CDH8: variants seen among roughly 807,000 people sequenced by gnomAD.
CDH8 encodes cadherin 8, also known as cadherin-8.
Under a neutral mutation model 68.1 loss-of-function variants are expected in CDH8, and 17 were observed. The ratio of observed to expected loss-of-function variants is 0.25; its 90% CI spans 0.17 to 0.37. The LOEUF (loss-of-function observed/expected upper bound fraction) is 0.37, where lower values mean the gene tolerates loss of function less well. Ranked by LOEUF, CDH8 falls within the 10% of genes least tolerant of loss-of-function variation. The probability of loss-of-function intolerance (pLI) is 1.00; values close to 1 mark genes in which losing one functional copy is unlikely to be tolerated. For missense variants in CDH8, 763 were observed against 999.3 expected (o/e 0.76, Z 3.19); for synonymous variants, 372 against 365.1 (o/e 1.02, Z -0.21).
intron 2 of CDH8, among the ~76,000 whole-genome samples, chr16:62,008,191 C>A (rs1019903757): frequency 1.3e-5 from 2 of 151,754 alleles, no homozygotes; most frequent in African/African-American, 4.8e-5. Context: ...CCTGCCTCAG[C>A]CTCCCAAAGC....
At chr16:62,025,990 G>A (rs1372434447) in intron 1 of CDH8, among the ~76,000 whole-genome samples, 1 of 152,098 alleles carries the variant, frequency 6.6e-6, no homozygotes, top group Non-Finnish European at 1.5e-5. Flanking sequence ...ACCAGACACT[G>A]TTAAAAGCCT....
intron 7 of CDH8, among the ~76,000 whole-genome samples, chr16:61,789,793 G>T (rs1052855211): frequency 2.6e-5 from 4 of 152,040 alleles, no homozygotes; most frequent in African/African-American, 9.7e-5. Context: ...TTATTGGACA[G>T]CTTATGATAA....
chr16:61,819,528 A>G (rs552489162), intron 6 of CDH8, among the ~76,000 whole-genome samples: 1 of 152,232 alleles, frequency 6.6e-6, no homozygotes, highest in Non-Finnish European at 1.5e-5. Context: ...TGTAGTTCTT[A>G]ATGCTAAACT....
At chr16:61,685,295 A>C (rs767493496) in intron 10 of CDH8, among the ~76,000 whole-genome samples, 1 of 151,942 alleles carries the variant, frequency 6.6e-6, no homozygotes, top group Non-Finnish European at 1.5e-5. Flanking sequence ...TGGCAAATTA[A>C]AGCAAGTTTG....
At chr16:61,776,879 A>T (rs2142991363) in intron 8 of CDH8, among the ~76,000 whole-genome samples, 1 of 152,232 alleles carries the variant, frequency 6.6e-6, no homozygotes, top group Non-Finnish European at 1.5e-5. Flanking sequence ...ATGATGAAAT[A>T]ATCTGTACAC....
intron 10 of CDH8, among the ~76,000 whole-genome samples, chr16:61,657,095 G>C (rs1262242676): frequency 6.7e-6 from 1 of 150,022 alleles, no homozygotes; most frequent in Non-Finnish European, 1.5e-5. Context: ...ATAGACCCCC[G>C]AACACAGGGC....
At chr16:61,926,105 A>G (rs75216068) in intron 2 of CDH8, among the ~76,000 whole-genome samples, 6,888 of 151,858 alleles carry the variant, frequency 0.045, 519 homozygotes, top group African/African-American at 0.16. Context: ...AGCCACACAA[A>G]CTAATAAGAA....
At chr16:61,664,216 T>C (rs1963623878) in intron 10 of CDH8, among the ~76,000 whole-genome samples, 1 of 151,998 alleles carries the variant, frequency 6.6e-6, no homozygotes. Context: ...TTCTGTATAA[T>C]TTCTTTCATA....
At chr16:61,896,471 G>A (rs72798776) in intron 3 of CDH8, among the ~76,000 whole-genome samples, 9,276 of 152,242 alleles carry the variant, frequency 0.061, 359 homozygotes, top group South Asian at 0.1. Flanking sequence ...ACAGGTGCAC[G>A]TGCTGGCATT....
At chr16:62,033,286 T>C (rs1902371775) in intron 1 of CDH8, among the ~76,000 whole-genome samples, 1 of 152,244 alleles carries the variant, frequency 6.6e-6, no homozygotes, top group African/African-American at 2.4e-5. Flanking sequence ...TGACCACAGT[T>C]CTACATAATA....
At chr16:61,672,956 G>C (rs542937099) in intron 10 of CDH8, among the ~76,000 whole-genome samples, 1 of 152,028 alleles carries the variant, frequency 6.6e-6, no homozygotes, top group South Asian at 2.1e-4. Flanking sequence ...TAATAGACAA[G>C]CTCATGTGAA....
chr16:61,978,351 C>T (rs1965475794), intron 2 of CDH8, among the ~76,000 whole-genome samples: 1 of 152,118 alleles, frequency 6.6e-6, no homozygotes, highest in South Asian at 2.1e-4. Flanking sequence ...GGAAGTTACC[C>T]ATTGATGGTG....
At chr16:61,761,874 C>T (rs1409590796) in intron 8 of CDH8, among the ~76,000 whole-genome samples, 1 of 152,050 alleles carries the variant, frequency 6.6e-6, no homozygotes, top group Non-Finnish European at 1.5e-5. Flanking sequence ...GTGGCACATG[C>T]TTGTAGTCTC....
chr16:61,715,433 A>G, intron 9 of CDH8, among the ~76,000 whole-genome samples: 1 of 151,602 alleles, frequency 6.6e-6, no homozygotes, highest in East Asian at 1.9e-4. Flanking sequence ...TGCCAGAAAT[A>G]CAAATGCAAA....
intron 2 of CDH8, among the ~76,000 whole-genome samples, chr16:61,926,979 T>G (rs1470885768): frequency 6.6e-6 from 1 of 152,134 alleles, no homozygotes. Flanking sequence ...ATTGCATGAG[T>G]CATCGCCTGT....
chr16:61,733,171 T>G (rs1051078867), intron 8 of CDH8, among the ~76,000 whole-genome samples: 3 of 152,006 alleles, frequency 2.0e-5, no homozygotes, highest in Non-Finnish European at 4.4e-5. Context: ...AGCATTTTTA[T>G]ATCTCACTTG....
chr16:61,905,425 T>C (rs1947488938), intron 2 of CDH8, among the ~76,000 whole-genome samples: 1 of 151,950 alleles, frequency 6.6e-6, no homozygotes, highest in South Asian at 2.1e-4. Flanking sequence ...TAGTAATATA[T>C]TGTTAATATA....
At chr16:61,863,570 GAC>G (rs1437584980) in intron 3 of CDH8, among the ~76,000 whole-genome samples, 1 of 152,090 alleles carries the variant, frequency 6.6e-6, no homozygotes, top group Non-Finnish European at 1.5e-5. Context: ...TCAGGAAAAC[GAC>G]AGTTTGGTGC....
intron 2 of CDH8, among the ~76,000 whole-genome samples, chr16:62,006,740 T>C (rs1054448540): frequency 8.5e-5 from 13 of 152,192 alleles, no homozygotes; most frequent in African/African-American, 2.9e-4. Flanking sequence ...AATATATTTG[T>C]AAAGTAGCAG....
Sources: allele counts gnomAD v4.1 joint callset (sites outside exome capture counted in the v4.1 genomes callset), GRCh38; gene constraint gnomAD v4.1.1; transcripts MANE v1.5; gene names NCBI Gene and HGNC (gene_info 2026-07-23, HGNC 2026-07-21).